The following CRAMP1 variants were observed in gnomAD, a reference collection of about 807,000 sequenced individuals.
The protein encoded by CRAMP1 is cramped chromatin regulator 1, also known as protein cramped-like.
A neutral mutation model predicts 115.4 loss-of-function variants in CRAMP1; 50 were observed. The observed-to-expected ratio is 0.43, with a 90% CI of 0.35 to 0.55. The LOEUF (loss-of-function observed/expected upper bound fraction) is 0.55. Among genes scored for constraint, CRAMP1 ranks in the 20% least tolerant of loss-of-function variants. The pLI is 0.01. For missense variants in CRAMP1, 1,679 were observed against 1,721.7 expected, an observed-to-expected ratio of 0.98 and a Z score of 0.44; for synonymous variants, 866 against 745.4, an observed-to-expected ratio of 1.16 and a Z score of -2.64.
chr16:1,661,216 G>A (rs1256914540), intron 11 of CRAMP1, among the ~76,000 whole-genome samples: 1 of 152,208 alleles, frequency 6.6e-6, no homozygotes, highest in African/African-American at 2.4e-5. Context: ...CAGCTACTCG[G>A]GAGGCTGAGG....
At position 1,674,271 on chromosome 16, in the gene CRAMP1, A is replaced by G. The variant is rs1284556601; in HGVS notation, c.*226A>G. The G allele has an allele frequency of 1.7e-6, 1 of 571,956 alleles. No homozygotes were observed. Among genetic ancestry groups the G allele is most frequent in the Non-Finnish European group, 3.1e-6 (1 of 320,898 alleles). 35.4% of individuals were successfully genotyped at this position (571,956 alleles called of 1,614,324 possible). A position where few individuals can be genotyped will look rare whatever the true frequency, so the allele number is the denominator to read the frequency against. Reference sequence around the variant, plus strand: ...CAGCGTTAGAAATCACTGTGGTACTAGAGCCGTTCTTCACCACGCCTGGGC... The same window carrying G: ...CAGCGTTAGAAATCACTGTGGTACTGGAGCCGTTCTTCACCACGCCTGGGC... On this transcript the variant is annotated 3_prime_UTR_variant, in exon 21 of 21. Coordinates refer to ENST00000397412, the MANE Select transcript of CRAMP1 (RefSeq NM_020825.4).
At chr16:1,648,131 A>AT (rs529710871) in intron 6 of CRAMP1, among the ~76,000 whole-genome samples, 74 of 152,064 alleles carry the variant, frequency 4.9e-4, no homozygotes, top group Non-Finnish European at 1.0e-3. Context: ...AAAAAAAAAA[A>AT]GGAAGTCACA....
intron 12 of CRAMP1, 35 bp downstream of exon 12, chr16:1,662,706 C>T (rs764841085): frequency 1.8e-5 from 29 of 1,613,520 alleles, no homozygotes; most frequent in African/African-American, 5.3e-5. Context: ...CGCGTGCGAG[C>T]GTCCCCGTGG....
intron 3 of CRAMP1, among the ~76,000 whole-genome samples, chr16:1,628,256 T>C (rs1403417940): frequency 6.6e-6 from 1 of 152,144 alleles, no homozygotes. Context: ...AAAGGACTTT[T>C]TGTTTGTTTG....
At chr16:1,639,019 G>T (rs921495118) in intron 5 of CRAMP1, among the ~76,000 whole-genome samples, 4 of 151,916 alleles carry the variant, frequency 2.6e-5, no homozygotes, top group Non-Finnish European at 4.4e-5. Flanking sequence ...GCCTGTTCCT[G>T]CCGCCTCTCA....
Position 1,659,900 on chromosome 16 carries a change from C to T in CRAMP1, c.2250C>T (p.Asn750=). 1 of 1,613,366 alleles carries T rather than the reference C, an allele frequency of 6.2e-7. No homozygotes were observed. Among genetic ancestry groups the T allele is most frequent in the Non-Finnish European group, 8.5e-7 (1 of 1,179,818 alleles). The change falls in exon 11 of 21, where the codon AAC becomes AAT. Residue 750 remains asparagine, a synonymous_variant. Transcript: ENST00000397412. ...EVNPKLALEA[N]TISTASVRPA... ...TTCTGTCCTAGGCTCTGGAAGCAAA[C>T]ACCATCTCTACAGCCTCAGTAAGGC... is the stretch of plus-strand genomic sequence containing the variant.
chr16:1,614,624 C>G lies in CRAMP1; in HGVS notation c.-1-15C>G. 8.1e-7 allele frequency: 1 copy of G among 1,235,138 alleles called. No individual in the cohort carries two copies. 76.5% of individuals were successfully genotyped at this position (1,235,138 alleles called of 1,614,324 possible). On this transcript the variant is annotated splice_polypyrimidine_tract_variant and intron_variant, in intron 1 of 20. Transcript: ENST00000397412. This position sits in a 1 kb window ranked among gnomAD's most constrained non-coding sequence, Gnocchi z 4.4. ...GCGCCCGCCTCACCGGCCGCCTCCC[C>G]TCTCCCGGCCGCAGGATGACAGTGA...
intron 3 of CRAMP1, among the ~76,000 whole-genome samples, chr16:1,631,303 G>A (rs765612688): frequency 5.3e-5 from 8 of 152,188 alleles, no homozygotes; most frequent in African/African-American, 1.2e-4. Flanking sequence ...TTCTCGCCCC[G>A]TTGGTTCCCC....
intron 2 of CRAMP1, among the ~76,000 whole-genome samples, chr16:1,625,018 C>G (rs375650166): frequency 6.6e-6 from 1 of 152,180 alleles, no homozygotes; most frequent in Admixed American, 6.5e-5. Flanking sequence ...TGAGCCACCA[C>G]GCCTAGCCAG....
At chr16:1,649,124 T>C (rs1322041863) in intron 6 of CRAMP1, among the ~76,000 whole-genome samples, 1 of 152,100 alleles carries the variant, frequency 6.6e-6, no homozygotes, top group Non-Finnish European at 1.5e-5. Flanking sequence ...CCTCTCTAAA[T>C]TATCCCTCAA....
intron 2 of CRAMP1, among the ~76,000 whole-genome samples, chr16:1,623,854 G>A (rs1290385724): frequency 6.6e-6 from 1 of 152,238 alleles, no homozygotes; most frequent in African/African-American, 2.4e-5. Flanking sequence ...AATGGGCAGG[G>A]CCAGATAACA....
rs976412658 is a variant in CRAMP1 at position 1,614,972 on chromosome 16, G to A, written c.333G>A (p.Gly111=). Residue 111 remains glycine, a synonymous_variant, in exon 2 of 21, where the codon GGG becomes GGA. Transcript: ENST00000397412. The surrounding 1 kb of genome is among the most constrained non-coding windows in gnomAD (Gnocchi z 4.4). ...AVGSGNAGGS[G]PRGKGAEGGG... ...GGAGCGGCAACGCCGGTGGCTCGGG[G>A]CCCCGCGGAAAAGGTAGGGCGGCCC... is the stretch of plus-strand genomic sequence containing the variant. 23 of 1,254,676 alleles carry A rather than the reference G, an allele frequency of 1.8e-5. No individual in the cohort carries two copies. In the African/African-American group the frequency reaches 3.1e-4, roughly 17 times the overall value. 77.7% of individuals were successfully genotyped at this position (1,254,676 alleles called of 1,614,324 possible). A position where few individuals can be genotyped will look rare whatever the true frequency, so the allele number is the denominator to read the frequency against.
At chr16:1,662,432 C>T in intron 11 of CRAMP1, 58 bp from the exon 12 acceptor site, 1 of 1,403,778 alleles carries the variant, frequency 7.1e-7, no homozygotes, top group Non-Finnish European at 1.0e-6. Context: ...AATTCCGTGA[C>T]CCTGGACCTG....
intron 4 of CRAMP1, among the ~76,000 whole-genome samples, chr16:1,634,057 T>C (rs898183750): frequency 6.7e-6 from 1 of 150,214 alleles, no homozygotes; most frequent in Non-Finnish European, 1.5e-5. Context: ...AGTCAGTCCA[T>C]GAGAGCAGAT....
At position 1,675,903 on chromosome 16, in the gene CRAMP1, C is replaced by T. The variant is rs1274615365; in HGVS notation, c.*1858C>T. On this transcript the variant is annotated 3_prime_UTR_variant, in exon 21 of 21. Transcript: ENST00000397412. Reference sequence around the variant, plus strand: ...TTACACTAGCTTGTGTTTTGTGCTACGTATACCAGCTTCCAAAATTAGCAT... The same window carrying T: ...TTACACTAGCTTGTGTTTTGTGCTATGTATACCAGCTTCCAAAATTAGCAT... 1 of 152,204 alleles carries T rather than the reference C, an allele frequency of 6.6e-6. No individual in the cohort carries two copies. The highest frequency in any genetic ancestry group is 6.5e-5 in the Admixed American group (1 of 15,286). 9.4% of individuals were successfully genotyped at this position (152,204 alleles called of 1,614,324 possible). A position where few individuals can be genotyped will look rare whatever the true frequency, so the allele number is the denominator to read the frequency against.
Position 1,656,020 on chromosome 16 carries a change from C to T in CRAMP1, c.1263C>T (p.Phe421=), listed in dbSNP as rs2036769197. The change falls in exon 10 of 21, where the codon TTC becomes TTT. Residue 421 remains phenylalanine (F), a synonymous_variant. Coordinates refer to ENST00000397412, the MANE Select transcript of CRAMP1 (RefSeq NM_020825.4). This position sits in a 1 kb window ranked among gnomAD's most constrained non-coding sequence, Gnocchi z 5.6. The stretch of plus-strand genomic sequence containing the variant: ...CTCGCGTGGTGCACTCCAAGGCCTT[C>T]TGCACAGTGCACTGGCAGGAGGGCG... ...GVARVVHSKA[F]CTVHWQEGGR... is the part of the protein sequence containing the mutation. 1 of 1,612,714 alleles carries T rather than the reference C, an allele frequency of 6.2e-7. No individual in the cohort carries two copies. Among genetic ancestry groups the T allele is most frequent in the Non-Finnish European group, 8.5e-7 (1 of 1,179,830 alleles).
At chr16:1,665,176 C>A in intron 14 of CRAMP1, 38 bp downstream of exon 14, 2 of 1,352,222 alleles carry the variant, frequency 1.5e-6, no homozygotes, top group Non-Finnish European at 1.1e-6. Context: ...GCTTGTCCCT[C>A]CTCCTCACAG....
chr16:1,629,213 G>A (rs895113332), intron 3 of CRAMP1, among the ~76,000 whole-genome samples: 3 of 152,124 alleles, frequency 2.0e-5, no homozygotes, highest in African/African-American at 2.4e-5. Context: ...TAATGGCTGC[G>A]GCCTCAGCTC....
intron 8 of CRAMP1, among the ~76,000 whole-genome samples, chr16:1,654,216 CT>C (rs954080678): frequency 5.6e-5 from 8 of 142,188 alleles, no homozygotes; most frequent in East Asian, 2.1e-4. Flanking sequence ...TTTATTTTTT[CT>C]TTTTTTTTTC....
Sources: allele counts gnomAD v4.1 joint callset (sites outside exome capture counted in the v4.1 genomes callset), GRCh38; gene constraint gnomAD v4.1.1; non-coding constraint Gnocchi (gnomAD v3.1); transcripts MANE v1.5; gene names NCBI Gene and HGNC (gene_info 2026-07-23, HGNC 2026-07-21).